The following LRRC7 variants were observed in gnomAD, a reference collection of about 807,000 sequenced individuals.
LRRC7 encodes leucine-rich repeat-containing protein 7.
LRRC7 carries 23 observed loss-of-function variants against 175.7 expected under a neutral mutation model. The observed-to-expected ratio is 0.13, with a 90% CI of 0.09 to 0.19. LRRC7 has a LOEUF of 0.19. Ranked by LOEUF, LRRC7 falls within the 10% of genes least tolerant of loss-of-function variation. The pLI, the probability that LRRC7 is intolerant of heterozygous loss-of-function variation, is 1.00. For missense variants in LRRC7, 1,354 were observed against 1,904.7 expected (o/e 0.71, Z 5.38); for synonymous variants, 685 against 680.9 (o/e 1.01, Z -0.09).
chr1:69,633,200 T>C (rs1652783302), intron 1 of LRRC7, among the ~76,000 whole-genome samples: 2 of 152,048 alleles, frequency 1.3e-5, no homozygotes, highest in South Asian at 4.1e-4. Flanking sequence ...TTACAAGTTC[T>C]GTAAAATGCT....
In LRRC7 at chr1:70,076,228, G is replaced by A. The variant is rs573192198; in HGVS notation, c.4382G>A (p.Arg1461Gln). 103 of 1,614,036 alleles carry A rather than the reference G, an allele frequency of 6.4e-5. No homozygotes were observed. In the Admixed American group the frequency reaches 1.0e-3, roughly 16 times the overall value. Residue 1461 changes from arginine to glutamine, a missense_variant, in exon 24 of 27, where the codon CGG (arginine) becomes CAG (glutamine). By Grantham distance (43) the Arg-to-Gln change is conservative. Transcript: ENST00000651989. ...PIQIPSSQAT[R>Q]GPQPGRCLIQ... ...CAGATCCCCTCTTCACAGGCCACCC[G>A]GGGACCTCAGCCTGGACGGTGCTTA...
chr1:70,064,693 T>C (rs1661837826), intron 23 of LRRC7, among the ~76,000 whole-genome samples: 1 of 151,850 alleles, frequency 6.6e-6, no homozygotes, highest in Non-Finnish European at 1.5e-5. Flanking sequence ...AGAGAGAAAC[T>C]CATGCACTAG....
intron 1 of LRRC7, among the ~76,000 whole-genome samples, chr1:69,672,820 G>C (rs989071694): frequency 2.4e-4 from 37 of 152,212 alleles, no homozygotes; most frequent in African/African-American, 5.5e-4. Flanking sequence ...GCCAAACCTT[G>C]TTAAGGGATA....
At chr1:69,861,015 G>A (rs971956048) in intron 7 of LRRC7, among the ~76,000 whole-genome samples, 4 of 151,994 alleles carry the variant, frequency 2.6e-5, no homozygotes, top group African/African-American at 9.7e-5. Context: ...TCAGGTCAAG[G>A]AGAGAAGTAA....
intron 22 of LRRC7, among the ~76,000 whole-genome samples, chr1:70,048,608 A>G (rs1293575209): frequency 6.6e-6 from 1 of 152,132 alleles, no homozygotes; most frequent in African/African-American, 2.4e-5. Flanking sequence ...CTTCAAAATA[A>G]TCTAGAGAAG....
At chr1:69,609,947 A>G (rs1416719063) in intron 1 of LRRC7, among the ~76,000 whole-genome samples, 1 of 152,032 alleles carries the variant, frequency 6.6e-6, no homozygotes, top group Non-Finnish European at 1.5e-5. Flanking sequence ...GTTAAAATGG[A>G]CCCACTATGT....
In LRRC7 at chr1:69,927,877, A is replaced by T. The variant is rs575203101; in HGVS notation, c.648-3630A>T. Reference sequence around the variant, plus strand: ...GAACTGCATTCCTTTGGAGGAGGAGAGGCGCTCTGCTTTTTAGAGGTTCCA... The same window carrying T: ...GAACTGCATTCCTTTGGAGGAGGAGTGGCGCTCTGCTTTTTAGAGGTTCCA... On this transcript the variant is annotated intron_variant, in intron 7 of 26. Transcript: ENST00000651989. Among the ~76,000 whole-genome samples the T allele has an allele frequency of 4.3e-4, 65 of 151,998 alleles. 1 individual carries two copies. The highest frequency in any genetic ancestry group is 1.5e-3 in the African/African-American group (61 of 41,448).
At chr1:69,701,407 C>T (rs1006519229) in intron 2 of LRRC7, among the ~76,000 whole-genome samples, 5 of 152,158 alleles carry the variant, frequency 3.3e-5, no homozygotes, top group African/African-American at 1.2e-4. Flanking sequence ...ATCACACACA[C>T]TGAGCCCAGT....
At chr1:69,877,152 A>G (rs1686115580) in intron 7 of LRRC7, among the ~76,000 whole-genome samples, 1 of 152,164 alleles carries the variant, frequency 6.6e-6, no homozygotes, top group East Asian at 1.9e-4. Context: ...CTCTCATGAC[A>G]TGGTTAGACT....
intron 1 of LRRC7, among the ~76,000 whole-genome samples, chr1:69,644,781 A>C (rs960132215): frequency 6.6e-6 from 1 of 152,014 alleles, no homozygotes; most frequent in Non-Finnish European, 1.5e-5. Context: ...ATATAAAAAA[A>C]ATGCATCATT....
At chr1:70,063,000 GACA>G (rs1196898375) in intron 23 of LRRC7, among the ~76,000 whole-genome samples, 1 of 152,034 alleles carries the variant, frequency 6.6e-6, no homozygotes, top group Non-Finnish European at 1.5e-5. Context: ...TTTTTCTTAA[GACA>G]ACATTATTCT....
At chr1:69,827,153 C>T (rs1680007582) in intron 5 of LRRC7, among the ~76,000 whole-genome samples, 1 of 152,124 alleles carries the variant, frequency 6.6e-6, no homozygotes, top group Non-Finnish European at 1.5e-5. Flanking sequence ...TTTTCAACAT[C>T]TCAGTGAAAT....
At chr1:70,086,092 A>G (rs544661453) in intron 24 of LRRC7, among the ~76,000 whole-genome samples, 1 of 151,984 alleles carries the variant, frequency 6.6e-6, no homozygotes, top group African/African-American at 2.4e-5. Context: ...GAAGGCAGGG[A>G]GAATTTTAGC....
intron 7 of LRRC7, among the ~76,000 whole-genome samples, chr1:69,923,280 A>G (rs371946938): frequency 2.0e-5 from 3 of 152,166 alleles, no homozygotes; most frequent in Non-Finnish European, 4.4e-5. Context: ...ATAAACATAC[A>G]TGTGCATGTG....
At chr1:69,925,605 T>C (rs1309401357) in intron 7 of LRRC7, among the ~76,000 whole-genome samples, 2 of 152,140 alleles carry the variant, frequency 1.3e-5, no homozygotes, top group Non-Finnish European at 2.9e-5. Flanking sequence ...TTTGTAGTAT[T>C]CTCTGATGGT....
At chr1:69,592,185 C>G (rs1276404058) in intron 1 of LRRC7, among the ~76,000 whole-genome samples, 1 of 152,042 alleles carries the variant, frequency 6.6e-6, no homozygotes, top group African/African-American at 2.4e-5. Context: ...CACACATATA[C>G]ACATACCACC....
intron 7 of LRRC7, among the ~76,000 whole-genome samples, chr1:69,841,752 C>T (rs1030041326): frequency 6.6e-6 from 1 of 152,050 alleles, no homozygotes; most frequent in Non-Finnish European, 1.5e-5. Context: ...TCTCCAGTGC[C>T]TTAAACATGG....
intron 18 of LRRC7, among the ~76,000 whole-genome samples, chr1:70,033,976 C>T (rs746649007): frequency 7.9e-5 from 12 of 152,098 alleles, no homozygotes; most frequent in Non-Finnish European, 1.3e-4. Context: ...TAGTACTAGA[C>T]AGGAATTGGC....
In LRRC7 at chr1:70,024,344, A is replaced by G. The variant is rs1314304638; in HGVS notation, c.1794+970A>G. Among the ~76,000 whole-genome samples, 3 of 151,430 alleles carry G rather than the reference A, an allele frequency of 2.0e-5. No individual in the cohort carries two copies. The East Asian group carries it at 5.8e-4, about 29-fold the overall frequency. On this transcript the variant is annotated intron_variant, in intron 17 of 26. Coordinates refer to ENST00000651989, the MANE Select transcript of LRRC7 (RefSeq NM_001370785.2). ...AAAAACAGTTCTGTGTGAATTCAAGATATCATTTCTAAATGCCCTAGCTAT... is the reference window on the plus strand; with the variant it reads ...AAAAACAGTTCTGTGTGAATTCAAGGTATCATTTCTAAATGCCCTAGCTAT...
Sources: gnomAD v4.1 joint callset for allele counts (sites outside exome capture counted in the v4.1 genomes callset) on GRCh38, gnomAD v4.1.1 for gene constraint, MANE v1.5 for transcripts, NCBI Gene and HGNC (gene_info 2026-07-23, HGNC 2026-07-21) for gene names.